TRIM25: variants seen among roughly 807,000 people sequenced by gnomAD.
TRIM25 encodes E3 ubiquitin/ISG15 ligase TRIM25.
Under a neutral mutation model 65.2 loss-of-function variants are expected in TRIM25, and 45 were observed. The observed-to-expected ratio is 0.69, with a 90% CI of 0.54 to 0.89. The LOEUF (loss-of-function observed/expected upper bound fraction) is 0.89. Ranked by LOEUF, TRIM25 falls within the 40% of genes least tolerant of loss-of-function variation. The pLI is 0.00. For missense variants in TRIM25, 714 were observed against 803.7 expected, an observed-to-expected ratio of 0.89 and a Z score of 1.35; for synonymous variants, 321 against 340.4, an observed-to-expected ratio of 0.94 and a Z score of 0.63.
rs1200173849 is a variant in TRIM25 at position 56,901,584 on chromosome 17, A to G, written c.928-6T>C. The G allele has an allele frequency of 1.2e-6, 2 of 1,613,976 alleles. No homozygotes were observed. Among genetic ancestry groups the G allele is most frequent in the Non-Finnish European group, 1.7e-6 (2 of 1,179,996 alleles). On this transcript the variant is annotated splice_region_variant and splice_polypyrimidine_tract_variant and intron_variant, in intron 3 of 8. Transcript: ENST00000316881. Reference sequence around the variant, plus strand: ...CCTCGCAGTTTTGATGCTTTCTGGAACATGCCAGGGGGTTAGTGCAGGCAG... The same window carrying G: ...CCTCGCAGTTTTGATGCTTTCTGGAGCATGCCAGGGGGTTAGTGCAGGCAG...
chr17:56,894,950 G>C (rs1295690016), intron 8 of TRIM25, among the ~76,000 whole-genome samples: 1 of 152,344 alleles, frequency 6.6e-6, no homozygotes, highest in East Asian at 1.9e-4. Flanking sequence ...GGAAGTCTTG[G>C]GAATGGTGGC....
chr17:56,896,275 G>GA (rs1266930757), intron 5 of TRIM25, among the ~76,000 whole-genome samples: 1 of 150,902 alleles, frequency 6.6e-6, no homozygotes, highest in Non-Finnish European at 1.5e-5. Flanking sequence ...TTACTGCAGG[G>GA]AAAAAAGAGA....
rs1909161643 is a variant in TRIM25, at chr17:56,891,145, G to T, written c.*555C>A. 2.8e-6 allele frequency: 1 copy of T among 357,266 alleles called. No homozygotes were observed. The highest frequency in any genetic ancestry group is 3.8e-5 in the Admixed American group (1 of 26,408). The allele number at this position is 357,266 out of a possible 1,614,324, so 22.1% of individuals were successfully genotyped here. ...ATGCCTCTTTAGGAAACTGTTCTGG[G>T]TAGAGACTGCTGTGGGTGTTTCCTC... On this transcript the variant is annotated 3_prime_UTR_variant, in exon 9 of 9. Coordinates refer to ENST00000316881, the MANE Select transcript of TRIM25 (RefSeq NM_005082.5).
rs370391324 is a variant in TRIM25, at chr17:56,899,055, C to G, written c.1153+60G>C. ...CGGGATGGGCCGGAAGTGACTTGGC[C>G]AGAGCCTGGGGAGGCCACAGCCATG... On this transcript the variant is annotated intron_variant, in intron 5 of 8. Coordinates refer to ENST00000316881, the MANE Select transcript of TRIM25 (RefSeq NM_005082.5). The G allele has an allele frequency of 1.8e-4, 283 of 1,600,364 alleles. No individual in the cohort carries two copies. In the African/African-American group the frequency reaches 3.1e-3, roughly 18 times the overall value.
intron 1 of TRIM25, among the ~76,000 whole-genome samples, chr17:56,911,746 G>A (rs921076984): frequency 1.3e-5 from 2 of 151,862 alleles, no homozygotes. Flanking sequence ...TTAAAACTTA[G>A]CCAGGTGTGG....
chr17:56,904,232 A>C, intron 3 of TRIM25, 23 bp downstream of exon 3: 2 of 1,569,174 alleles, frequency 1.3e-6, no homozygotes. Flanking sequence ...AAAAACATTC[A>C]ACAATGCCTT....
chr17:56,899,623 C>A (rs891528858), intron 4 of TRIM25, among the ~76,000 whole-genome samples: 6 of 152,194 alleles, frequency 3.9e-5, no homozygotes, highest in African/African-American at 1.4e-4. Flanking sequence ...TTTGCCCCCA[C>A]GCAGCACTTC....
chr17:56,892,488 CCTAT>C (rs1425439784), intron 8 of TRIM25, among the ~76,000 whole-genome samples: 1 of 152,086 alleles, frequency 6.6e-6, no homozygotes, highest in African/African-American at 2.4e-5. Flanking sequence ...CATCTATCTA[CCTAT>C]CTATCCATTC....
At chr17:56,909,782 A>G (rs1390430094) in intron 1 of TRIM25, among the ~76,000 whole-genome samples, 1 of 152,054 alleles carries the variant, frequency 6.6e-6, no homozygotes, top group Admixed American at 6.5e-5. Context: ...GGCAAACTGT[A>G]TATGAAGGAA....
chr17:56,889,524 A>G lies in TRIM25; in HGVS notation c.*2176T>C, dbSNP rs1909124435. 1 of 380,216 alleles carries G rather than the reference A, an allele frequency of 2.6e-6. No individual in the cohort carries two copies. The highest frequency in any genetic ancestry group is 4.7e-6 in the Non-Finnish European group (1 of 214,832). The allele number at this position is 380,216 out of a possible 1,614,324, so 23.6% of individuals were successfully genotyped here. A position where few individuals can be genotyped will look rare whatever the true frequency, so the allele number is the denominator to read the frequency against. On this transcript the variant is annotated 3_prime_UTR_variant, in exon 9 of 9. Transcript: ENST00000316881. ...TCACCATTGCAAACAGAATGGTTCA[A>G]GACAGCAAGGATGCACTCCTCAATT...
chr17:56,891,640 G>A lies in TRIM25; in HGVS notation c.*60C>T. On this transcript the variant is annotated 3_prime_UTR_variant, in exon 9 of 9. Transcript: ENST00000316881. ...TTATCCAAGGAGAGTTCTGCCTGCT[G>A]TATTTTCACTAGGGTCTTGGGACTT... 1 of 1,548,406 alleles carries A rather than the reference G, an allele frequency of 6.5e-7. No individual in the cohort carries two copies. Among genetic ancestry groups the A allele is most frequent in the Non-Finnish European group, 8.7e-7 (1 of 1,146,230 alleles).
At chr17:56,909,091 G>A (rs1909577619) in intron 1 of TRIM25, among the ~76,000 whole-genome samples, 1 of 152,074 alleles carries the variant, frequency 6.6e-6, no homozygotes, top group Admixed American at 6.5e-5. Flanking sequence ...GGCAGGTGGG[G>A]CCACTCAGAC....
At position 56,888,907 on chromosome 17, in the gene TRIM25, A is replaced by G. The variant is rs932481760; in HGVS notation, c.*2793T>C. On this transcript the variant is annotated 3_prime_UTR_variant, in exon 9 of 9. Transcript: ENST00000316881. ...ACAAATAGCATTTTGTACCCGCACT[A>G]CAATGCAGGAGAACGCCAAACACCG... The G allele has an allele frequency of 2.6e-5, 4 of 152,238 alleles. No homozygotes were observed. The highest frequency in any genetic ancestry group is 9.7e-5 in the African/African-American group (4 of 41,444). The allele number at this position is 152,238 out of a possible 1,614,324, so 9.4% of individuals were successfully genotyped here.
Position 56,890,523 on chromosome 17 carries a change from G to T in TRIM25, c.*1177C>A. 2.2e-6 allele frequency: 1 copy of T among 448,944 alleles called. No homozygotes were observed. Among genetic ancestry groups the T allele is most frequent in the Non-Finnish European group, 4.5e-6 (1 of 223,810 alleles). 27.8% of individuals were successfully genotyped at this position (448,944 alleles called of 1,614,324 possible). A position where few individuals can be genotyped will look rare whatever the true frequency, so the allele number is the denominator to read the frequency against. Reference sequence around the variant, plus strand: ...CCTGTGGCCAGGGATGAACAGGAATGTTCCTGTTCCCCATGAGGTTTGCTA... The same window carrying T: ...CCTGTGGCCAGGGATGAACAGGAATTTTCCTGTTCCCCATGAGGTTTGCTA... On this transcript the variant is annotated 3_prime_UTR_variant, in exon 9 of 9. Transcript: ENST00000316881.
intron 8 of TRIM25, among the ~76,000 whole-genome samples, chr17:56,894,042 G>T (rs773488907): frequency 6.6e-6 from 1 of 152,220 alleles, no homozygotes; most frequent in Non-Finnish European, 1.5e-5. Context: ...CCTGGGCATC[G>T]GGGATTTTAA....
intron 1 of TRIM25, among the ~76,000 whole-genome samples, chr17:56,912,466 A>T (rs1490471278): frequency 6.6e-6 from 1 of 152,098 alleles, no homozygotes; most frequent in African/African-American, 2.4e-5. Context: ...GATTACTGGG[A>T]CGCTGCCCAC....
chr17:56,911,495 G>A (rs1250652387), intron 1 of TRIM25, among the ~76,000 whole-genome samples: 3 of 151,316 alleles, frequency 2.0e-5, no homozygotes, highest in Non-Finnish European at 4.4e-5. Context: ...CAGGAGAATC[G>A]CTTGAACTCG....
intron 2 of TRIM25, among the ~76,000 whole-genome samples, chr17:56,907,916 AGTGAT>A (rs1288914753): frequency 3.3e-5 from 5 of 152,352 alleles, no homozygotes; most frequent in Middle Eastern, 3.4e-3. Flanking sequence ...CAGAGATCAG[AGTGAT>A]GCAGTCAAAA....
chr17:56,895,510 T>C lies in TRIM25; in HGVS notation c.1264+11A>G, dbSNP rs2085094933. 1 of 1,613,438 alleles carries C rather than the reference T, an allele frequency of 6.2e-7. No homozygotes were observed. The highest frequency in any genetic ancestry group is 1.3e-5 in the African/African-American group (1 of 74,892). On this transcript the variant is annotated intron_variant, in intron 7 of 8. Coordinates refer to ENST00000316881, the MANE Select transcript of TRIM25 (RefSeq NM_005082.5). ...TGGACACCCCAAAGCTCCTTGCCCA[T>C]GATAACTTACCCTCCAAGCCAGCTT...
Sources: gnomAD v4.1 joint callset for allele counts (sites outside exome capture counted in the v4.1 genomes callset) on GRCh38, gnomAD v4.1.1 for gene constraint, MANE v1.5 for transcripts, NCBI Gene and HGNC (gene_info 2026-07-23, HGNC 2026-07-21) for gene names.